Variants in STK32B observed in about 807,000 individuals in gnomAD.
STK32B encodes serine/threonine kinase 32B.
A neutral mutation model predicts 52.6 loss-of-function variants in STK32B; 43 were observed. The ratio of observed to expected loss-of-function variants is 0.82; its 90% CI spans 0.64 to 1.05. The LOEUF (loss-of-function observed/expected upper bound fraction) is 1.05. STK32B is among the 50% of genes least tolerant of loss of function. The pLI, the probability that STK32B is intolerant of heterozygous loss-of-function variation, is 0.00. For missense variants in STK32B, 621 were observed against 534.6 expected, an observed-to-expected ratio of 1.16 and a Z score of -1.59; for synonymous variants, 238 against 204.3, an observed-to-expected ratio of 1.17 and a Z score of -1.41.
intron 3 of STK32B, among the ~76,000 whole-genome samples, chr4:5,182,226 C>T (rs1205433564): frequency 6.6e-6 from 1 of 152,192 alleles, no homozygotes; most frequent in Non-Finnish European, 1.5e-5. Context: ...ACCACATCTG[C>T]AGTAACTCCC....
intron 4 of STK32B, among the ~76,000 whole-genome samples, chr4:5,336,402 A>G (rs1732697620): frequency 6.6e-6 from 1 of 152,084 alleles, no homozygotes; most frequent in Non-Finnish European, 1.5e-5. Context: ...ACATCCAGGG[A>G]AATCTTCTAA....
chr4:5,356,913 A>G (rs1053104754), intron 4 of STK32B, among the ~76,000 whole-genome samples: 5 of 152,032 alleles, frequency 3.3e-5, no homozygotes, highest in African/African-American at 7.2e-5. Flanking sequence ...CAGGGGAATC[A>G]CTTGAACCCA....
chr4:5,367,802 G>C (rs1380108598), intron 4 of STK32B, among the ~76,000 whole-genome samples: 1 of 152,110 alleles, frequency 6.6e-6, no homozygotes, highest in Non-Finnish European at 1.5e-5. Flanking sequence ...AGCCCATCTT[G>C]GGTGGATTCC....
intron 4 of STK32B, 33 bp downstream of exon 4, chr4:5,331,426 G>A: frequency 6.3e-7 from 1 of 1,585,392 alleles, no homozygotes; most frequent in South Asian, 1.2e-5. Flanking sequence ...GCCTGGGACA[G>A]AGGGACCATG....
At chr4:5,318,608 G>C (rs1191730410) in intron 3 of STK32B, among the ~76,000 whole-genome samples, 1 of 152,078 alleles carries the variant, frequency 6.6e-6, no homozygotes, top group Non-Finnish European at 1.5e-5. Flanking sequence ...TGGTGAATCA[G>C]CTAGACCCAG....
intron 1 of STK32B, among the ~76,000 whole-genome samples, chr4:5,124,991 G>C (rs1715274697): frequency 6.6e-6 from 1 of 152,200 alleles, no homozygotes; most frequent in Non-Finnish European, 1.5e-5. Flanking sequence ...ACTATTAGCA[G>C]AAAGGAAAGT....
At chr4:5,377,030 C>T (rs75073419) in intron 4 of STK32B, among the ~76,000 whole-genome samples, 4,814 of 152,188 alleles carry the variant, frequency 0.032, 253 homozygotes, top group African/African-American at 0.11. Flanking sequence ...ACTGCTACAC[C>T]CCTGCCCCCA....
intron 3 of STK32B, among the ~76,000 whole-genome samples, chr4:5,277,870 T>C (rs2108866348): frequency 6.6e-6 from 1 of 152,304 alleles, no homozygotes; most frequent in African/African-American, 2.4e-5. Context: ...CATAAGAATA[T>C]TTTGACCCAC....
At chr4:5,064,114 T>G (rs1250735486) in intron 1 of STK32B, among the ~76,000 whole-genome samples, 1 of 151,824 alleles carries the variant, frequency 6.6e-6, no homozygotes, top group African/African-American at 2.4e-5. Context: ...AAGCCTTTTA[T>G]GATATCTGTT....
intron 1 of STK32B, among the ~76,000 whole-genome samples, chr4:5,134,467 A>G (rs1455625188): frequency 6.6e-6 from 1 of 152,168 alleles, no homozygotes; most frequent in Non-Finnish European, 1.5e-5. Flanking sequence ...GGCCCTCATC[A>G]GATGCCAGCA....
intron 4 of STK32B, among the ~76,000 whole-genome samples, chr4:5,337,694 G>A (rs1297226135): frequency 6.6e-6 from 1 of 151,714 alleles, no homozygotes; most frequent in Non-Finnish European, 1.5e-5. Flanking sequence ...CTGAAGTTGA[G>A]TTACGAGAGG....
chr4:5,266,433 A>T (rs1257056485), intron 3 of STK32B, among the ~76,000 whole-genome samples: 1 of 152,208 alleles, frequency 6.6e-6, no homozygotes, highest in Non-Finnish European at 1.5e-5. Context: ...AACAGTATAC[A>T]AAGATCTTAA....
intron 7 of STK32B, among the ~76,000 whole-genome samples, chr4:5,452,250 G>C (rs1180858977): frequency 2.0e-5 from 3 of 152,172 alleles, no homozygotes; most frequent in Admixed American, 6.5e-5. Flanking sequence ...GGTAGACAGA[G>C]AAGGTTGAGG....
intron 3 of STK32B, among the ~76,000 whole-genome samples, chr4:5,171,304 T>G (rs200407474): frequency 0.22 from 32,638 of 151,650 alleles, 4,271 homozygotes; most frequent in East Asian, 0.35. Context: ...AGAAGCTCTT[T>G]AGTTTAATGA....
intron 6 of STK32B, among the ~76,000 whole-genome samples, chr4:5,429,130 C>T (rs1482850077): frequency 1.3e-5 from 2 of 152,138 alleles, no homozygotes; most frequent in Non-Finnish European, 2.9e-5. Context: ...CCAGTATAAC[C>T]CTACTCTAGT....
intron 6 of STK32B, 95 bp from the exon 7 acceptor site, chr4:5,446,578 A>AC: frequency 8.8e-7 from 1 of 1,139,252 alleles, no homozygotes; most frequent in Non-Finnish European, 1.3e-6. Context: ...AAAAAAAAAA[A>AC]AACAAGCTCA....
At chr4:5,049,212 T>C (rs997197963), upstream of STK32B, among the ~76,000 whole-genome samples, 14 of 151,998 alleles carry the variant, frequency 9.2e-5, no homozygotes, top group Non-Finnish European at 1.6e-4. Context: ...TTTTTTTTTT[T>C]TTGAGACGGA....
At chr4:5,074,488 T>G (rs1247155767) in intron 1 of STK32B, among the ~76,000 whole-genome samples, 1 of 152,056 alleles carries the variant, frequency 6.6e-6, no homozygotes, top group Non-Finnish European at 1.5e-5. Context: ...TTAGTCATGT[T>G]GGGTCTCTTT....
chr4:5,481,711 G>A (rs1718726464), intron 11 of STK32B, among the ~76,000 whole-genome samples: 2 of 152,092 alleles, frequency 1.3e-5, no homozygotes, highest in Admixed American at 1.3e-4. Flanking sequence ...GGTTTTTATG[G>A]TTTTAGGTCT....
Sources: gnomAD v4.1 joint callset for allele counts (sites outside exome capture counted in the v4.1 genomes callset) on GRCh38, gnomAD v4.1.1 for gene constraint, MANE v1.5 for transcripts, NCBI Gene and HGNC (gene_info 2026-07-23, HGNC 2026-07-21) for gene names.